The following KCNH5 variants were observed in gnomAD, a reference collection of about 807,000 sequenced individuals.
KCNH5 encodes voltage-gated delayed rectifier potassium channel KCNH5.
In KCNH5, 46 loss-of-function variants were observed where a neutral mutation model predicts 96.1. The ratio of observed to expected loss-of-function variants is 0.48; its 90% CI spans 0.38 to 0.61. KCNH5 has a LOEUF of 0.61. KCNH5 is among the 20% of genes least tolerant of loss of function. The pLI is 0.00. For missense variants in KCNH5, 907 were observed against 1,225.8 expected (o/e 0.74, Z 3.88); for synonymous variants, 439 against 449.8 (o/e 0.98, Z 0.30).
At chr14:62,909,935 GTTTT>G (rs546121146) in intron 7 of KCNH5, among the ~76,000 whole-genome samples, 5 of 151,912 alleles carry the variant, frequency 3.3e-5, no homozygotes, top group Non-Finnish European at 5.9e-5. Flanking sequence ...ATATGTATTG[GTTTT>G]TTTCTTTTTT....
chr14:62,737,788 T>C (rs997038961), intron 10 of KCNH5, among the ~76,000 whole-genome samples: 3 of 152,106 alleles, frequency 2.0e-5, no homozygotes, highest in Non-Finnish European at 4.4e-5. Context: ...ACAGAAGCTA[T>C]GAAATGCAAC....
intron 8 of KCNH5, among the ~76,000 whole-genome samples, chr14:62,807,833 T>C (rs1239347299): frequency 6.6e-6 from 1 of 152,148 alleles, no homozygotes; most frequent in Non-Finnish European, 1.5e-5. Flanking sequence ...AAAGGATTTG[T>C]TAAAGGGAAT....
intron 10 of KCNH5, among the ~76,000 whole-genome samples, chr14:62,770,006 T>C (rs1885950914): frequency 6.6e-6 from 1 of 152,228 alleles, no homozygotes; most frequent in Admixed American, 6.5e-5. Context: ...GACAATGTTT[T>C]AGTAATGTCT....
intron 8 of KCNH5, among the ~76,000 whole-genome samples, chr14:62,840,572 T>A (rs1421578061): frequency 2.1e-4 from 28 of 133,144 alleles, no homozygotes; most frequent in Non-Finnish European, 3.2e-4. Flanking sequence ...TTTTCTTTTT[T>A]TTTTTTTTTT....
chr14:62,789,131 G>A (rs1238952481), intron 9 of KCNH5, among the ~76,000 whole-genome samples: 4 of 151,700 alleles, frequency 2.6e-5, no homozygotes, highest in African/African-American at 7.3e-5. Context: ...CTCTATCTTT[G>A]TATATTTGAC....
intron 6 of KCNH5, among the ~76,000 whole-genome samples, chr14:62,957,395 G>C (rs1007369755): frequency 6.6e-6 from 1 of 152,174 alleles, no homozygotes; most frequent in African/African-American, 2.4e-5. Context: ...AGATGAAAGA[G>C]CAGGAATACA....
At chr14:62,944,679 T>A (rs1296219820) in intron 7 of KCNH5, among the ~76,000 whole-genome samples, 1 of 152,170 alleles carries the variant, frequency 6.6e-6, no homozygotes, top group Admixed American at 6.6e-5. Flanking sequence ...TCTAACAAAT[T>A]TTGGAACTGT....
intron 2 of KCNH5, among the ~76,000 whole-genome samples, chr14:63,014,193 C>T (rs1011044933): frequency 2.6e-5 from 4 of 152,094 alleles, no homozygotes; most frequent in Non-Finnish European, 5.9e-5. Context: ...CTTTTTTATA[C>T]AGTTAAAAAG....
rs1370481961 is a variant in KCNH5 at position 63,006,359 on chromosome 14, T to C, written c.304+7A>G. 1.0e-5 allele frequency: 16 copies of C among 1,549,048 alleles called. No homozygotes were observed. Among genetic ancestry groups the C allele is most frequent in the Non-Finnish European group, 1.4e-5 (16 of 1,122,712 alleles). ...TGGCACATCTTATTAATAATTGAGA[T>C]ACCTACTGTTTTTCTTGTACAGAAG... On this transcript the variant is annotated splice_region_variant and intron_variant, in intron 3 of 10. Coordinates refer to ENST00000322893, the MANE Select transcript of KCNH5 (RefSeq NM_139318.5).
chr14:62,950,938 C>A (rs1363756825), intron 6 of KCNH5, among the ~76,000 whole-genome samples: 2 of 152,198 alleles, frequency 1.3e-5, no homozygotes, highest in East Asian at 3.9e-4. Context: ...TTTCCTTTTC[C>A]TATAAAACTT....
At chr14:62,873,045 G>A (rs559462257) in intron 7 of KCNH5, among the ~76,000 whole-genome samples, 1 of 151,822 alleles carries the variant, frequency 6.6e-6, no homozygotes, top group African/African-American at 2.4e-5. Flanking sequence ...AGCTACTCAG[G>A]AGGCTGAGGC....
intron 4 of KCNH5, among the ~76,000 whole-genome samples, chr14:62,996,929 T>C (rs1890915583): frequency 6.6e-6 from 1 of 152,242 alleles, no homozygotes; most frequent in Admixed American, 6.5e-5. Context: ...AGTCTGATTA[T>C]CATTCGTGTA....
At chr14:62,759,573 A>ATATATATATATATATATTTTTTTT (rs1171935428) in intron 10 of KCNH5, among the ~76,000 whole-genome samples, 12 of 151,200 alleles carry the variant, frequency 7.9e-5, no homozygotes, top group South Asian at 4.3e-4. Flanking sequence ...CGTAGGGTAT[A>ATATATATATATATATATTTTTTTT]TTTTTTAATA....
chr14:62,875,159 G>A (rs1485062298), intron 7 of KCNH5, among the ~76,000 whole-genome samples: 1 of 148,642 alleles, frequency 6.7e-6, no homozygotes, highest in Non-Finnish European at 1.5e-5. Context: ...TCTTCAAGGA[G>A]AACTACAATC....
chr14:62,707,713 A>G lies in KCNH5; in HGVS notation c.2762T>C (p.Ile921Thr). 6.2e-7 allele frequency: 1 copy of G among 1,605,886 alleles called. No individual in the cohort carries two copies. Among genetic ancestry groups the G allele is most frequent in the Non-Finnish European group, 8.5e-7 (1 of 1,173,184 alleles). ...AGTCATTCTGCAGCTGAGCAGCTGG[A>G]TGTCCTCTTTGAGTTCGTGTTTGAC... ...QEVKHELKEDIQLLSCRMTAL... is the reference protein window; with the variant it reads ...QEVKHELKEDTQLLSCRMTAL... Residue 921 changes from isoleucine to threonine, a missense_variant, in exon 11 of 11, where the codon ATC becomes ACC. Around this residue, in one of 6 missense-constraint regions of KCNH5, gnomAD observed 362 missense variants for 394.4 expected, o/e 0.92. Coordinates refer to ENST00000322893, the MANE Select transcript of KCNH5 (RefSeq NM_139318.5).
At chr14:62,801,499 A>ATTTTTTTTT (rs35409070) in intron 9 of KCNH5, among the ~76,000 whole-genome samples, 2 of 108,858 alleles carry the variant, frequency 1.8e-5, no homozygotes, top group Non-Finnish European at 3.7e-5. Flanking sequence ...TCATTTGGCA[A>ATTTTTTTTT]TTTTTTTTTT....
intron 2 of KCNH5, among the ~76,000 whole-genome samples, chr14:63,016,185 G>A (rs1891323442): frequency 6.6e-6 from 1 of 151,668 alleles, no homozygotes; most frequent in Non-Finnish European, 1.5e-5. Flanking sequence ...CTGAAATATT[G>A]TGAAAAGTTT....
chr14:62,877,481 C>T (rs1888398984), intron 7 of KCNH5, among the ~76,000 whole-genome samples: 1 of 152,262 alleles, frequency 6.6e-6, no homozygotes, highest in Admixed American at 6.5e-5. Flanking sequence ...CTACAATGAA[C>T]TCAAACAAAT....
At chr14:62,924,337 A>G (rs1889433154) in intron 7 of KCNH5, among the ~76,000 whole-genome samples, 2 of 151,838 alleles carry the variant, frequency 1.3e-5, no homozygotes, top group Non-Finnish European at 3.0e-5. Context: ...TCACAATGAT[A>G]TGAAGAAAAG....
Sources: allele counts gnomAD v4.1 joint callset (sites outside exome capture counted in the v4.1 genomes callset), GRCh38; gene constraint gnomAD v4.1.1; regional missense constraint gnomAD v4.1.1; transcripts MANE v1.5; gene names NCBI Gene and HGNC (gene_info 2026-07-23, HGNC 2026-07-21).